The following TTN variants were observed in gnomAD, a reference collection of about 807,000 sequenced individuals.
The protein encoded by TTN is titin, also known as connectin.
In TTN, 1,525 loss-of-function variants were observed where a neutral mutation model predicts 3,223.0. The observed-to-expected ratio is 0.47, with a 90% CI of 0.45 to 0.49. The LOEUF (loss-of-function observed/expected upper bound fraction) is 0.49, where lower values mean the gene tolerates loss of function less well. TTN is among the 20% of genes least tolerant of loss of function. TTN has a pLI of 0.00. For synonymous variants in TTN, 14,094 were observed against 15,161.0 expected, an observed-to-expected ratio of 0.93 and a Z score of 5.17; for missense variants, 40,786 against 43,424.0, an observed-to-expected ratio of 0.94 and a Z score of 5.40.
chr2:178,681,298 A>T, intron 137 of TTN, 78 bp downstream of exon 137: 1 of 1,472,648 alleles, frequency 6.8e-7, no homozygotes, highest in Non-Finnish European at 9.4e-7. Context: ...AACACAGACC[A>T]TCAGACGGGC....
intron 9 of TTN, 123 bp downstream of exon 9, chr2:178,793,281 G>T (rs2093607213): frequency 7.2e-7 from 1 of 1,396,804 alleles, no homozygotes. Flanking sequence ...TACAACAAGG[G>T]GATCTTATTA....
rs1223093442 is a variant in TTN, at chr2:178,572,668, A to C, written c.73464T>G (p.Asn24488Lys). 1 of 1,612,970 alleles carries C rather than the reference A, an allele frequency of 6.2e-7. No homozygotes were observed. The highest frequency in any genetic ancestry group is 8.5e-7 in the Non-Finnish European group (1 of 1,179,404). The change falls in exon 326 of 363, where the codon AAT becomes AAG. Residue 24488 changes from asparagine (N) to lysine (K), a missense_variant. Asn to Lys is a moderately conservative substitution (Grantham distance 94). Coordinates refer to ENST00000589042, the MANE Select transcript of TTN (RefSeq NM_001267550.2). ...ATTTGCCACTGTCAAATCTGTTTAC[A>C]TTTCCAACAATAAGCAGGGTGTAAG... ...TSSYTLLIVG[N>K]VNRFDSGKYI...
chr2:178,541,946 C>G, intron 349 of TTN: 1 of 269,746 alleles, frequency 3.7e-6, no homozygotes, highest in Non-Finnish European at 6.9e-6. Flanking sequence ...TATAACATTG[C>G]CAGTCCTCCT....
chr2:178,614,603 C>A lies in TTN; in HGVS notation c.48911G>T (p.Arg16304Ile). Residue 16304 changes from arginine to isoleucine, a missense_variant, in exon 261 of 363, where the codon AGA becomes ATA. Arg to Ile is a moderately conservative substitution (Grantham distance 97, BLOSUM62 -3). Transcript: ENST00000589042. ...KADMILKQDK[R>I]ITIENVPKKS... Reference sequence around the variant, plus strand: ...CTTAGGGACATTTTCAATGGTAATTCTTTTGTCCTGCTTCAGAATCATATC... The same window carrying A: ...CTTAGGGACATTTTCAATGGTAATTATTTTGTCCTGCTTCAGAATCATATC... 3 of 1,612,312 alleles carry A rather than the reference C, an allele frequency of 1.9e-6. No homozygotes were observed. The highest frequency in any genetic ancestry group is 1.7e-6 in the Non-Finnish European group (2 of 1,179,100).
Position 178,733,121 on chromosome 2 carries a change from T to C in TTN, c.16055A>G (p.Asp5352Gly). 2 of 1,585,194 alleles carry C rather than the reference T, an allele frequency of 1.3e-6. No homozygotes were observed. Among genetic ancestry groups the C allele is most frequent in the South Asian group, 2.3e-5 (2 of 85,658 alleles). Residue 5352 changes from aspartate to glycine, a missense_variant and splice_region_variant, in exon 55 of 363, where the codon GAT becomes GGT. By Grantham distance (94) the Asp-to-Gly change is moderately conservative (BLOSUM62 -1). Coordinates refer to ENST00000589042, the MANE Select transcript of TTN (RefSeq NM_001267550.2). ...SSCETTFTVLDRDIAPFFTKP... is the reference protein window; with the variant it reads ...SSCETTFTVLGRDIAPFFTKP... ...GGTAAAAAATGGAGCAATGTCTCGA[T>C]CTGTGTGTTGCACAAGAAGGGAGAA... is the stretch of plus-strand genomic sequence containing the variant.
Position 178,550,054 on chromosome 2 carries a change from C to T in TTN, c.91784G>A (p.Gly30595Asp), listed in dbSNP as rs1221459026. ...FVRDATRDHR[G>D]VYTVEAKNAS... ...ATTTTTGGCTTCCACTGTGTATACA[C>T]CACGATGGTCCCGAGTAGCATCTCT... Residue 30595 changes from glycine (G) to aspartate (D), a missense_variant, in exon 337 of 363, where the codon GGT becomes GAT. Gly to Asp is a moderately conservative substitution (Grantham distance 94, BLOSUM62 -1). Transcript: ENST00000589042. 4 of 1,613,802 alleles carry T rather than the reference C, an allele frequency of 2.5e-6. No homozygotes were observed. Among genetic ancestry groups the T allele is most frequent in the Middle Eastern group, 1.7e-4 (1 of 6,058 alleles).
In TTN at chr2:178,651,870, T is replaced by G. The variant is rs746144440; in HGVS notation, c.39379+14A>C. ...GAGTGGCCGAGGTGTCCTAGCAGCT[T>G]TCTTGCCATGTACCTTGTGGAGGCG... is the stretch of plus-strand genomic sequence containing the variant. On this transcript the variant is annotated intron_variant, in intron 205 of 362. Coordinates refer to ENST00000589042, the MANE Select transcript of TTN (RefSeq NM_001267550.2). 3 of 1,603,310 alleles carry G rather than the reference T, an allele frequency of 1.9e-6. No homozygotes were observed. The highest frequency in any genetic ancestry group is 2.2e-5 in the South Asian group (2 of 89,258).
rs2092529339 is a variant in TTN at position 178,779,106 on chromosome 2, T to C, written c.3976A>G (p.Lys1326Glu). ...CCATGTTTGATGCGCTTGCCATCTT[T>C]GTACCAAGCAATCTGCAAAGAATAC... Reference protein sequence around the residue: ...GYPLPKIAWYKDGKRIKHGER... With the variant: ...GYPLPKIAWYEDGKRIKHGER... The change falls in exon 24 of 363, where the codon AAA becomes GAA. Residue 1326 changes from lysine (K) to glutamate (E), a missense_variant. By Grantham distance (56) the Lys-to-Glu change is moderately conservative. Coordinates refer to ENST00000589042, the MANE Select transcript of TTN (RefSeq NM_001267550.2). 2 of 1,613,776 alleles carry C rather than the reference T, an allele frequency of 1.2e-6. No homozygotes were observed. The highest frequency in any genetic ancestry group is 1.7e-5 in the Admixed American group (1 of 59,976).
rs763229497 is a variant in TTN at position 178,611,618 on chromosome 2, T to C, written c.50611A>G (p.Ile16871Val). Residue 16871 changes from isoleucine (I) to valine (V), a missense_variant, in exon 269 of 363, where the codon ATT becomes GTT. Coordinates refer to ENST00000589042, the MANE Select transcript of TTN (RefSeq NM_001267550.2). Reference sequence around the variant, plus strand: ...TTTTTCTCTGGAGGCTTCCAAGCAATGGCAATGTGTTTTCTCCCAGCATCA... The same window carrying C: ...TTTTTCTCTGGAGGCTTCCAAGCAACGGCAATGTGTTTTCTCCCAGCATCA... ...VTDAGRKHIAIAWKPPEKNGG... is the reference protein window; with the variant it reads ...VTDAGRKHIAVAWKPPEKNGG... 6.2e-7 allele frequency: 1 copy of C among 1,613,054 alleles called. No individual in the cohort carries two copies. Among genetic ancestry groups the C allele is most frequent in the South Asian group, 1.1e-5 (1 of 91,052 alleles).
intron 47 of TTN, chr2:178,752,096 G>A: frequency 6.6e-7 from 1 of 1,515,780 alleles, no homozygotes; most frequent in Non-Finnish European, 8.9e-7. Context: ...AAAGTTGAAA[G>A]TAAATAAAAT....
rs1329504399 is a variant in TTN at position 178,619,665 on chromosome 2, A to T, written c.46652T>A (p.Phe15551Tyr). The change falls in exon 250 of 363, where the codon TTT (phenylalanine) becomes TAT (tyrosine). Residue 15551 changes from phenylalanine to tyrosine, a missense_variant. Transcript: ENST00000589042. ...TCTGGCTTCTTTGTCTTTGGCAATAAATCTGTATTCACCCTGGTCACGGGG... is the reference window on the plus strand; with the variant it reads ...TCTGGCTTCTTTGTCTTTGGCAATATATCTGTATTCACCCTGGTCACGGGG... ...IKPRDQGEYRFIAKDKEARAK... is the reference protein window; with the variant it reads ...IKPRDQGEYRYIAKDKEARAK... 1 of 1,612,120 alleles carries T rather than the reference A, an allele frequency of 6.2e-7. No homozygotes were observed. The highest frequency in any genetic ancestry group is 8.5e-7 in the Non-Finnish European group (1 of 1,178,832).
Position 178,570,169 on chromosome 2 carries a change from CATT to C in TTN, c.75960_75962del (p.Met25321del). The C allele has an allele frequency of 6.2e-7, 1 of 1,613,504 alleles. No individual in the cohort carries two copies. The highest frequency in any genetic ancestry group is 8.5e-7 in the Non-Finnish European group (1 of 1,179,620). ...ATGCTGGTCTTTCCCATACAACAAT[CATT>C]GAGTCCTTGGTCACTGTTGTGACTT... is the stretch of plus-strand genomic sequence containing the variant. On this transcript the variant is annotated inframe_deletion, in exon 326 of 363. Transcript: ENST00000589042.
At chr2:178,714,781 C>A (rs1577897832) in intron 90 of TTN, among the ~76,000 whole-genome samples, 1 of 152,086 alleles carries the variant, frequency 6.6e-6, no homozygotes, top group East Asian at 1.9e-4. Flanking sequence ...TTAATCCAAT[C>A]AAAACCTAAT....
At chr2:178,714,620 A>C in intron 90 of TTN, 47 bp from the exon 91 acceptor site, 1 of 1,530,048 alleles carries the variant, frequency 6.5e-7, no homozygotes, top group Non-Finnish European at 8.7e-7. Flanking sequence ...TGTGAGACTG[A>C]CAGCATTTTG....
In TTN at chr2:178,715,710, C is replaced by T. The variant is rs150544093; in HGVS notation, c.25704G>A (p.Arg8568=). ...SRIVKQDEFT[R]YECKIGGSPE... is the part of the protein sequence containing the mutation. Reference sequence around the variant, plus strand: ...GAGACCCACCGATTTTGCATTCATACCTTGTGAATTCATCCTGTTTCACAA... The same window carrying T: ...GAGACCCACCGATTTTGCATTCATATCTTGTGAATTCATCCTGTTTCACAA... Residue 8568 remains arginine, a synonymous_variant, in exon 89 of 363, where the codon AGG becomes AGA. Transcript: ENST00000589042. The T allele has an allele frequency of 3.0e-4, 478 of 1,605,682 alleles. No homozygotes were observed. The highest frequency in any genetic ancestry group is 2.0e-3 in the African/African-American group (152 of 74,920).
Position 178,776,126 on chromosome 2 carries a change from G to A in TTN, c.5738C>T (p.Thr1913Ile). ...TATCACACCTTCAGGATTTTCCGCG[G>A]TGACCTTCACTTCACCTGTGTCATA... is the stretch of plus-strand genomic sequence containing the variant. ...KSYDTGEVKV[T>I]AENPEGVIEH... is the part of the protein sequence containing the mutation. Residue 1913 changes from threonine (T) to isoleucine (I), a missense_variant, in exon 28 of 363, where the codon ACC becomes ATC. Coordinates refer to ENST00000589042, the MANE Select transcript of TTN (RefSeq NM_001267550.2). 6.2e-7 allele frequency: 1 copy of A among 1,614,082 alleles called. No homozygotes were observed. The highest frequency in any genetic ancestry group is 8.5e-7 in the Non-Finnish European group (1 of 1,180,000).
chr2:178,594,277 A>G (rs1475879387), intron 296 of TTN, 35 bp from the exon 297 acceptor site: 1 of 1,598,604 alleles, frequency 6.3e-7, no homozygotes, highest in Non-Finnish European at 8.5e-7. Context: ...AGTCATTTTT[A>G]TTGATGTCTT....
At chr2:178,646,925 CA>C in intron 215 of TTN, 138 bp downstream of exon 215, 1 of 356,328 alleles carries the variant, frequency 2.8e-6, no homozygotes. Flanking sequence ...GTAACTATTT[CA>C]AAAATAAAGC....
In TTN at chr2:178,593,619, C is replaced by T. The variant is rs760399687; in HGVS notation, c.58681G>A (p.Gly19561Arg). Residue 19561 changes from glycine (G) to arginine (R), a missense_variant, in exon 298 of 363, where the codon GGA (glycine) becomes AGA (arginine). Physicochemically the swap from Gly to Arg is moderately radical, Grantham distance 125 (BLOSUM62 -2). Coordinates refer to ENST00000589042, the MANE Select transcript of TTN (RefSeq NM_001267550.2). ...IFRIHAENLY[G>R]ISDPLVSDSM... Reference sequence around the variant, plus strand: ...TCAGACACCAGAGGATCACTTATTCCATACAGATTTTCAGCATGTATCCGG... The same window carrying T: ...TCAGACACCAGAGGATCACTTATTCTATACAGATTTTCAGCATGTATCCGG... 4 of 1,612,728 alleles carry T rather than the reference C, an allele frequency of 2.5e-6. No individual in the cohort carries two copies. The highest frequency in any genetic ancestry group is 3.4e-6 in the Non-Finnish European group (4 of 1,179,498).
Sources: gnomAD v4.1 joint callset for allele counts (sites outside exome capture counted in the v4.1 genomes callset) on GRCh38, gnomAD v4.1.1 for gene constraint, MANE v1.5 for transcripts, NCBI Gene and HGNC (gene_info 2026-07-23, HGNC 2026-07-21) for gene names.